Variants in WWC2 observed in about 807,000 individuals in gnomAD.
WWC2 encodes WW and C2 domain containing 2.
WWC2 carries 101 observed loss-of-function variants against 138.5 expected under a neutral mutation model. The observed-to-expected ratio is 0.73, with a 90% CI of 0.62 to 0.86. The LOEUF is 0.86. Among genes scored for constraint, WWC2 ranks in the 40% least tolerant of loss-of-function variants. WWC2 has a pLI of 0.00. For missense variants in WWC2, 1,420 were observed against 1,419.4 expected (o/e 1.00, Z -0.01); for synonymous variants, 558 against 538.4 (o/e 1.04, Z -0.50).
At chr4:183,106,839 G>A (rs1389687065) in intron 1 of WWC2, among the ~76,000 whole-genome samples, 1 of 151,966 alleles carries the variant, frequency 6.6e-6, no homozygotes, top group African/African-American at 2.4e-5. Context: ...TGTGCATTTG[G>A]GTCATTTCCA....
chr4:183,236,205 C>T (rs1736419120), intron 4 of WWC2, among the ~76,000 whole-genome samples: 1 of 152,126 alleles, frequency 6.6e-6, no homozygotes, highest in Admixed American at 6.5e-5. Flanking sequence ...GTCAATGTGT[C>T]TGTCTTTATG....
intron 1 of WWC2, among the ~76,000 whole-genome samples, chr4:183,142,804 C>T (rs1325027853): frequency 6.6e-6 from 1 of 152,196 alleles, no homozygotes; most frequent in Non-Finnish European, 1.5e-5. Flanking sequence ...TAATGTTACC[C>T]AAGGGCATTA....
intron 4 of WWC2, among the ~76,000 whole-genome samples, chr4:183,232,558 G>A (rs1456652886): frequency 6.6e-6 from 1 of 152,140 alleles, no homozygotes. Flanking sequence ...TCTTTCACTT[G>A]GCATGTGTTT....
Position 183,247,345 on chromosome 4 carries a change from A to G in WWC2, c.733-1369A>G, listed in dbSNP as rs573326013. Among the ~76,000 whole-genome samples, 58 of 151,970 alleles carry G rather than the reference A, an allele frequency of 3.8e-4. 1 individual carries two copies. In the South Asian group the frequency reaches 0.011, roughly 30 times the overall value. ...TTGATAGAATGCATTGCCATCACAG[A>G]TGAGTTTGAAGAACACTGACTTTTT... On this transcript the variant is annotated intron_variant, in intron 6 of 22. Transcript: ENST00000403733.
At chr4:183,267,929 A>G (rs998009483) in intron 14 of WWC2, among the ~76,000 whole-genome samples, 2 of 152,112 alleles carry the variant, frequency 1.3e-5, no homozygotes, top group Non-Finnish European at 2.9e-5. Context: ...CTCAAAAGTT[A>G]TTTTTTGATT....
intron 4 of WWC2, among the ~76,000 whole-genome samples, chr4:183,212,350 C>A (rs1735622217): frequency 6.6e-6 from 1 of 152,156 alleles, no homozygotes; most frequent in Non-Finnish European, 1.5e-5. Flanking sequence ...GTCCTGGACC[C>A]TTTACTTTGT....
intron 1 of WWC2, among the ~76,000 whole-genome samples, chr4:183,164,937 A>G (rs1734090408): frequency 6.6e-6 from 1 of 152,188 alleles, no homozygotes; most frequent in Non-Finnish European, 1.5e-5. Context: ...AGAGGTATTG[A>G]TAACTAATAA....
chr4:183,317,808 A>G lies in WWC2; in HGVS notation c.*2079A>G, dbSNP rs550510379. On this transcript the variant is annotated 3_prime_UTR_variant, in exon 23 of 23. Transcript: ENST00000403733. ...TTTTGTAATACAAAAAGTTTCAGAC[A>G]AGTATTAAAGAATAAAATCTGTCTC... 1.3e-5 allele frequency: 2 copies of G among 152,228 alleles called. No homozygotes were observed. Among genetic ancestry groups the G allele is most frequent in the African/African-American group, 2.4e-5 (1 of 41,464 alleles). 9.4% of individuals were successfully genotyped at this position (152,228 alleles called of 1,614,324 possible).
intron 11 of WWC2, among the ~76,000 whole-genome samples, chr4:183,262,618 G>A (rs536176544): frequency 2.0e-4 from 31 of 152,208 alleles, no homozygotes; most frequent in Non-Finnish European, 3.7e-4. Flanking sequence ...TGGTTTGTGC[G>A]CCCTCTCCTG....
chr4:183,100,550 T>C (rs1232876954), intron 1 of WWC2, among the ~76,000 whole-genome samples: 1 of 152,250 alleles, frequency 6.6e-6, no homozygotes, highest in Admixed American at 6.5e-5. Context: ...CAGGGATAAC[T>C]TCGACATTTG....
At chr4:183,190,721 C>T (rs1247026699) in intron 1 of WWC2, among the ~76,000 whole-genome samples, 8 of 151,972 alleles carry the variant, frequency 5.3e-5, no homozygotes, top group Non-Finnish European at 7.4e-5. Flanking sequence ...ACATGTATAC[C>T]TGTAGATGTA....
intron 22 of WWC2, 50 bp from the exon 23 acceptor site, chr4:183,315,613 G>A (rs771252338): frequency 4.1e-6 from 6 of 1,479,344 alleles, no homozygotes; most frequent in Admixed American, 1.8e-5. Flanking sequence ...TGGTCCCAGA[G>A]TATTTTTAGC....
At chr4:183,105,448 T>C (rs1743319795) in intron 1 of WWC2, among the ~76,000 whole-genome samples, 1 of 152,224 alleles carries the variant, frequency 6.6e-6, no homozygotes. Flanking sequence ...CATGGCCAGC[T>C]TCTTCTTGCC....
chr4:183,277,060 A>G (rs1022844736), intron 16 of WWC2, among the ~76,000 whole-genome samples: 1 of 151,236 alleles, frequency 6.6e-6, no homozygotes, highest in East Asian at 1.9e-4. Context: ...TACATGTGCC[A>G]TGCTGGTGCG....
At chr4:183,154,016 A>C (rs933470637) in intron 1 of WWC2, among the ~76,000 whole-genome samples, 16 of 151,316 alleles carry the variant, frequency 1.1e-4, no homozygotes, top group African/African-American at 2.2e-4. Flanking sequence ...AAAAAAAAAA[A>C]AAAAAAAAAA....
intron 1 of WWC2, among the ~76,000 whole-genome samples, chr4:183,186,348 A>G (rs1049416629): frequency 6.6e-6 from 1 of 152,170 alleles, no homozygotes; most frequent in Non-Finnish European, 1.5e-5. Context: ...ATCACCCACA[A>G]ATACTGTCTT....
At chr4:183,178,752 C>A (rs903029850) in intron 1 of WWC2, among the ~76,000 whole-genome samples, 1 of 152,148 alleles carries the variant, frequency 6.6e-6, no homozygotes, top group Admixed American at 6.5e-5. Flanking sequence ...TCTAGCTGAG[C>A]TCTCCGTTCA....
In WWC2 at chr4:183,227,202, A is replaced by T. The variant is rs143283215; in HGVS notation, c.523-12981A>T. Among the ~76,000 whole-genome samples the T allele has an allele frequency of 2.3e-3, 356 of 152,170 alleles. 10 individuals are homozygous for T. Among genetic ancestry groups the T allele is most frequent in the African/African-American group, 8.0e-3 (332 of 41,412 alleles). ...CTAGGTAGATAAAGGAGGAAAAAAA[A>T]CATTGGGACCGTTGGATTTATCACC... is the stretch of plus-strand genomic sequence containing the variant. On this transcript the variant is annotated intron_variant, in intron 4 of 22. Transcript: ENST00000403733.
At chr4:183,194,890 G>A (rs2111213710) in intron 2 of WWC2, among the ~76,000 whole-genome samples, 1 of 152,298 alleles carries the variant, frequency 6.6e-6, no homozygotes, top group Non-Finnish European at 1.5e-5. Flanking sequence ...ACAAATAATA[G>A]TTTCTACAAG....
Sources: allele counts gnomAD v4.1 joint callset (sites outside exome capture counted in the v4.1 genomes callset), GRCh38; gene constraint gnomAD v4.1.1; transcripts MANE v1.5; gene names NCBI Gene and HGNC (gene_info 2026-07-23, HGNC 2026-07-21).